Variants in MEGF8 observed in about 807,000 individuals in gnomAD.
MEGF8 encodes the protein multiple EGF like domains 8.
Under a neutral mutation model 302.9 loss-of-function variants are expected in MEGF8, and 156 were observed. The observed-to-expected ratio is 0.52, with a 90% CI of 0.45 to 0.59. The LOEUF (loss-of-function observed/expected upper bound fraction) is 0.59. MEGF8 is among the 20% of genes least tolerant of loss of function. The probability of loss-of-function intolerance (pLI) is 0.00; values close to 1 mark genes in which losing one functional copy is unlikely to be tolerated. For synonymous variants in MEGF8, 1,621 were observed against 1,660.5 expected (o/e 0.98, Z 0.58); for missense variants, 3,345 against 3,964.5 (o/e 0.84, Z 4.20).
chr19:42,349,745 CT>C (rs2039341909), intron 14 of MEGF8, 46 bp downstream of exon 14: 1 of 1,578,720 alleles, frequency 6.3e-7, no homozygotes. Flanking sequence ...AGGCCCCAGC[CT>C]CAGATCACCT....
intron 1 of MEGF8, 137 bp from the exon 2 acceptor site, chr19:42,333,465 AGGC>A (rs1323050600): frequency 9.9e-6 from 9 of 911,928 alleles, no homozygotes; most frequent in Non-Finnish European, 1.5e-5. Flanking sequence ...GGCCCCTTCA[AGGC>A]GGGGCCCAGG....
At chr19:42,365,156 G>T (rs1027077756) in intron 35 of MEGF8, among the ~76,000 whole-genome samples, 1 of 152,180 alleles carries the variant, frequency 6.6e-6, no homozygotes, top group African/African-American at 2.4e-5. Flanking sequence ...ATGGTAGTAT[G>T]GGTTCTCCCC....
Position 42,368,530 on chromosome 19 carries a change from T to C in MEGF8, c.6349T>C (p.Cys2117Arg). The change falls in exon 36 of 42, where the codon TGC becomes CGC. Residue 2117 changes from cysteine (C) to arginine (R), a missense_variant. Transcript: ENST00000251268. This position sits in a 1 kb window ranked among gnomAD's most constrained non-coding sequence, Gnocchi z 4.9. ...GCGGCTGCTCCGGGGACCTGAGAGC[T>C]GCTCCCTGGGCTGTGCTCAGGCAAC... ...CGRLLRGPES[C>R]SLGCAQATQC... The C allele has an allele frequency of 6.2e-7, 1 of 1,606,714 alleles. No individual in the cohort carries two copies. The highest frequency in any genetic ancestry group is 8.5e-7 in the Non-Finnish European group (1 of 1,177,346).
chr19:42,354,898 G>T lies in MEGF8; in HGVS notation c.4144+178G>T, dbSNP rs1243067371. 6.6e-6 allele frequency among the ~76,000 whole-genome samples: 1 copy of T among 152,162 alleles called. No individual in the cohort carries two copies. The highest frequency in any genetic ancestry group is 1.5e-5 in the Non-Finnish European group (1 of 68,030). ...TTGAGAGGAAAATAGGATTGCGCCG[G>T]CTGAGCTACGTCTGCAGAGAGAAGG... On this transcript the variant is annotated intron_variant, in intron 23 of 41. Transcript: ENST00000251268. This position sits in a 1 kb window ranked among gnomAD's most constrained non-coding sequence, Gnocchi z 4.3.
chr19:42,335,483 T>C, intron 5 of MEGF8, 98 bp downstream of exon 5: 1 of 1,082,992 alleles, frequency 9.2e-7, no homozygotes, highest in South Asian at 1.4e-5. Flanking sequence ...GCTCCCACAG[T>C]TCCTGCAGCT....
At chr19:42,367,800 C>T (rs542353107) in intron 35 of MEGF8, among the ~76,000 whole-genome samples, 2 of 152,278 alleles carry the variant, frequency 1.3e-5, no homozygotes, top group South Asian at 2.1e-4. Context: ...CTTTAGGGCA[C>T]GTGGTTCTCA....
chr19:42,355,257 T>C (rs1257530866), intron 23 of MEGF8, among the ~76,000 whole-genome samples: 1 of 127,178 alleles, frequency 7.9e-6, no homozygotes, highest in Non-Finnish European at 1.7e-5. Context: ...GCGCCCGGCA[T>C]ATATATATAT....
At position 42,344,657 on chromosome 19, in the gene MEGF8, C is replaced by G. The variant is rs201921367; in HGVS notation, c.1934-13C>G. ...CACACTGACCCACCGGCCCCCACCC[C>G]CTGTCTTCTCAGAGCAGGCCCGCTG... On this transcript the variant is annotated splice_polypyrimidine_tract_variant and intron_variant, in intron 11 of 41. Transcript: ENST00000251268. This position sits in a 1 kb window ranked among gnomAD's most constrained non-coding sequence, Gnocchi z 4.5. The G allele has an allele frequency of 1.5e-5, 24 of 1,563,862 alleles. No homozygotes were observed. The highest frequency in any genetic ancestry group is 1.4e-4 in the East Asian group (6 of 44,096).
In MEGF8 at chr19:42,363,366, C is replaced by T; in HGVS notation, c.6273+104C>T. ...TTCCACCATCTCCTCCACCCTCCTC[C>T]TTCCATCTCCCTGGCTCTAGCTGCA... is the stretch of plus-strand genomic sequence containing the variant. On this transcript the variant is annotated intron_variant, in intron 35 of 41. Coordinates refer to ENST00000251268, the MANE Select transcript of MEGF8 (RefSeq NM_001271938.2). 3.1e-6 allele frequency: 3 copies of T among 962,468 alleles called. No individual in the cohort carries two copies. The South Asian group carries it at 4.6e-5, about 15-fold the overall frequency. The allele number at this position is 962,468 out of a possible 1,614,324, so 59.6% of individuals were successfully genotyped here.
chr19:42,346,756 A>G (rs983804718), intron 12 of MEGF8, among the ~76,000 whole-genome samples: 2 of 152,140 alleles, frequency 1.3e-5, no homozygotes, highest in African/African-American at 4.8e-5. Context: ...AGGCCAAGGC[A>G]GGCGGATTAC....
In MEGF8 at chr19:42,353,270, A is replaced by C. The variant is rs775810344; in HGVS notation, c.3550+143A>C. The C allele has an allele frequency of 3.8e-5, 40 of 1,044,448 alleles. No homozygotes were observed. Among genetic ancestry groups the C allele is most frequent in the Non-Finnish European group, 5.3e-5 (39 of 732,830 alleles). The allele number at this position is 1,044,448 out of a possible 1,614,324, so 64.7% of individuals were successfully genotyped here. On this transcript the variant is annotated intron_variant, in intron 20 of 41. Coordinates refer to ENST00000251268, the MANE Select transcript of MEGF8 (RefSeq NM_001271938.2). The surrounding 1 kb of genome is among the most constrained non-coding windows in gnomAD (Gnocchi z 6.1). ...CTGCCCCATTCCTGTTCCTGACTCA[A>C]ACAGGTTTCAGTGCCACCCGTCACT...
chr19:42,361,227 G>C (rs2039527607), intron 32 of MEGF8, among the ~76,000 whole-genome samples: 1 of 152,162 alleles, frequency 6.6e-6, no homozygotes, highest in Non-Finnish European at 1.5e-5. Flanking sequence ...GTCTGAACTG[G>C]GCCTTAAAAG....
In MEGF8 at chr19:42,351,430, C is replaced by A. The variant is rs757631754; in HGVS notation, c.2857C>A (p.Arg953=). 2 of 1,592,710 alleles carry A rather than the reference C, an allele frequency of 1.3e-6. No individual in the cohort carries two copies. The highest frequency in any genetic ancestry group is 3.5e-5 in the Admixed American group (2 of 56,744). The change falls in exon 17 of 42, where the codon CGA becomes AGA. Residue 953 remains arginine (R), a splice_region_variant and synonymous_variant. Coordinates refer to ENST00000251268, the MANE Select transcript of MEGF8 (RefSeq NM_001271938.2). This position sits in a 1 kb window ranked among gnomAD's most constrained non-coding sequence, Gnocchi z 5.6. The part of the protein sequence containing the change: ...PEECPPLCSQ[R]LTCEDCLANS... ...CTGGCCCCCTGCTCCCCACCCCAGG[C>A]GACTGACCTGTGAGGACTGCCTGGC...
intron 1 of MEGF8, 24 bp from the exon 2 acceptor site, chr19:42,333,581 G>A (rs2039082579): frequency 1.2e-6 from 2 of 1,606,428 alleles, no homozygotes; most frequent in African/African-American, 1.3e-5. Flanking sequence ...TTTAGAGCTT[G>A]GTCCCTCTGT....
At position 42,362,502 on chromosome 19, in the gene MEGF8, C is replaced by T; in HGVS notation, c.5963C>T (p.Ala1988Val). 1.2e-6 allele frequency: 2 copies of T among 1,613,884 alleles called. No individual in the cohort carries two copies. The highest frequency in any genetic ancestry group is 1.7e-6 in the Non-Finnish European group (2 of 1,179,894). ...CRINQREVFW[A>V]GNCSEAACGA... ...ATCAACCAGCGAGAGGTCTTCTGGG[C>T]AGGGAACTGCTCCGAGGCTGCGTGC... Residue 1988 changes from alanine to valine, a missense_variant, in exon 34 of 42, where the codon GCA (alanine) becomes GTA (valine). Physicochemically the swap from Ala to Val is moderately conservative, Grantham distance 64. Coordinates refer to ENST00000251268, the MANE Select transcript of MEGF8 (RefSeq NM_001271938.2).
rs781666509 is a variant in MEGF8 at position 42,351,288 on chromosome 19, C to T, written c.2809C>T (p.Arg937Trp). The T allele has an allele frequency of 1.1e-5, 17 of 1,569,420 alleles. No individual in the cohort carries two copies. Among genetic ancestry groups the T allele is most frequent in the East Asian group, 4.7e-5 (2 of 42,798 alleles). Reference protein sequence around the residue: ...DAACSRRGRGRGALKSPEECP... With the variant: ...DAACSRRGRGWGALKSPEECP... ...GGCATGCAGCCGGCGGGGCCGGGGT[C>T]GGGGTGCCCTGAAGAGTCCAGAGGA... is the stretch of plus-strand genomic sequence containing the variant. Residue 937 changes from arginine (R) to tryptophan (W), a missense_variant, in exon 16 of 42, where the codon CGG becomes TGG. Arg to Trp is a moderately radical substitution (Grantham distance 101). Coordinates refer to ENST00000251268, the MANE Select transcript of MEGF8 (RefSeq NM_001271938.2). The surrounding 1 kb of genome is among the most constrained non-coding windows in gnomAD (Gnocchi z 5.6).
chr19:42,370,263 C>A lies in MEGF8; in HGVS notation c.6909C>A (p.His2303Gln). ...GAGGCGGGACCTGCCGGCCCTGCCA[C>A]GCCTTTTGTCGTGGAAATAGCCACA... is the stretch of plus-strand genomic sequence containing the variant. ...AVGGGTCRPC[H>Q]AFCRGNSHIC... Residue 2303 changes from histidine to glutamine, a missense_variant, in exon 39 of 42, where the codon CAC becomes CAA. Coordinates refer to ENST00000251268, the MANE Select transcript of MEGF8 (RefSeq NM_001271938.2). The A allele has an allele frequency of 6.2e-7, 1 of 1,613,916 alleles. No individual in the cohort carries two copies. Among genetic ancestry groups the A allele is most frequent in the East Asian group, 2.2e-5 (1 of 44,884 alleles).
Position 42,375,538 on chromosome 19 carries a change from G to C in MEGF8, c.7301G>C (p.Ser2434Thr). ...CAKCRESFHG[S>T]PLGGQQCYRL... is the part of the protein sequence containing the mutation. ...AAGTGCCGGGAATCATTTCACGGGA[G>C]TCCGCTGGGCGGCCAGCAGTGCTAC... The change falls in exon 42 of 42, where the codon AGT becomes ACT. Residue 2434 changes from serine to threonine, a missense_variant. Physicochemically the swap from Ser to Thr is moderately conservative, Grantham distance 58. Coordinates refer to ENST00000251268, the MANE Select transcript of MEGF8 (RefSeq NM_001271938.2). This position sits in a 1 kb window ranked among gnomAD's most constrained non-coding sequence, Gnocchi z 7.1. 6.3e-7 allele frequency: 1 copy of C among 1,591,196 alleles called. No homozygotes were observed.
chr19:42,351,617 G>A lies in MEGF8; in HGVS notation c.2988-31G>A. Reference sequence around the variant, plus strand: ...AGATTCCCCACCGGCAAGGGGCTGGGGCTCTGACCCCCACCCCTGCCATCC... The same window carrying A: ...AGATTCCCCACCGGCAAGGGGCTGGAGCTCTGACCCCCACCCCTGCCATCC... On this transcript the variant is annotated intron_variant, in intron 17 of 41. Coordinates refer to ENST00000251268, the MANE Select transcript of MEGF8 (RefSeq NM_001271938.2). The surrounding 1 kb of genome is among the most constrained non-coding windows in gnomAD (Gnocchi z 5.6). The A allele has an allele frequency of 6.3e-7, 1 of 1,596,774 alleles. No individual in the cohort carries two copies. The highest frequency in any genetic ancestry group is 1.1e-5 in the South Asian group (1 of 88,338).
Sources: gnomAD v4.1 joint callset for allele counts (sites outside exome capture counted in the v4.1 genomes callset) on GRCh38, gnomAD v4.1.1 for gene constraint, Gnocchi (gnomAD v3.1) non-coding constraint, MANE v1.5 for transcripts, NCBI Gene and HGNC (gene_info 2026-07-23, HGNC 2026-07-21) for gene names.